TRHDE: variants seen among roughly 807,000 people sequenced by gnomAD.
TRHDE encodes the protein thyrotropin-releasing hormone-degrading ectoenzyme.
Under a neutral mutation model 125.7 loss-of-function variants are expected in TRHDE, and 72 were observed. The observed-to-expected ratio is 0.57, with a 90% confidence interval of 0.47 to 0.70. The LOEUF is 0.70. Among genes scored for constraint, TRHDE ranks in the 30% least tolerant of loss-of-function variants. The pLI is 0.00. For synonymous variants in TRHDE, 509 were observed against 509.1 expected, an observed-to-expected ratio of 1.00 and a Z score of 0.00; for missense variants, 1,110 against 1,327.1, an observed-to-expected ratio of 0.84 and a Z score of 2.54.
intron 2 of TRHDE, among the ~76,000 whole-genome samples, chr12:72,231,422 AT>A (rs1451517474): frequency 2.0e-5 from 3 of 152,186 alleles, no homozygotes; most frequent in African/African-American, 7.2e-5. Flanking sequence ...TTGGAGGAAT[AT>A]TAAGCTTGAT....
intron 3 of TRHDE, among the ~76,000 whole-genome samples, chr12:72,418,379 G>T (rs1465668592): frequency 6.6e-6 from 1 of 152,032 alleles, no homozygotes; most frequent in Non-Finnish European, 1.5e-5. Context: ...ATATTTAAAA[G>T]CTGTCATTTG....
intron 18 of TRHDE, among the ~76,000 whole-genome samples, chr12:72,658,481 C>T (rs1874792527): frequency 6.6e-6 from 1 of 152,020 alleles, no homozygotes; most frequent in South Asian, 2.1e-4. Flanking sequence ...CCTCTCCTCC[C>T]TACCTCTCTC....
chr12:72,144,920 C>A (rs1876195068), intron 2 of TRHDE, among the ~76,000 whole-genome samples: 1 of 152,208 alleles, frequency 6.6e-6, no homozygotes, highest in Non-Finnish European at 1.5e-5. Flanking sequence ...CTCAGCCTTT[C>A]ATGCCTGTAG....
intron 2 of TRHDE, among the ~76,000 whole-genome samples, chr12:72,322,704 ATGAT>A (rs1869152126): frequency 6.6e-6 from 1 of 152,188 alleles, no homozygotes; most frequent in Non-Finnish European, 1.5e-5. Flanking sequence ...AAACACTGAG[ATGAT>A]TGATTGATTT....
intron 3 of TRHDE, among the ~76,000 whole-genome samples, chr12:72,429,944 C>A (rs1188889495): frequency 6.6e-6 from 1 of 151,646 alleles, no homozygotes; most frequent in Non-Finnish European, 1.5e-5. Flanking sequence ...CTAATATTTT[C>A]TTAAATTCTG....
rs748029343 is a variant in TRHDE at position 72,273,599 on chromosome 12, C to A, written c.914+42C>A. Reference sequence around the variant, plus strand: ...TGCCCCGCGCTGCCCCACCCCGGCGCGCGGCTCGAACCTCTGGGCGGCCTG... The same window carrying A: ...TGCCCCGCGCTGCCCCACCCCGGCGAGCGGCTCGAACCTCTGGGCGGCCTG... On this transcript the variant is annotated intron_variant, in intron 1 of 18. Transcript: ENST00000261180. This position sits in a 1 kb window ranked among gnomAD's most constrained non-coding sequence, Gnocchi z 5.3. 4 of 1,534,730 alleles carry A rather than the reference C, an allele frequency of 2.6e-6. No individual in the cohort carries two copies. The highest frequency in any genetic ancestry group is 8.8e-7 in the Non-Finnish European group (1 of 1,140,186).
chr12:72,531,888 T>C (rs982194088), intron 6 of TRHDE, among the ~76,000 whole-genome samples: 6 of 152,140 alleles, frequency 3.9e-5, no homozygotes, highest in African/African-American at 9.6e-5. Context: ...AGTTTTGTTA[T>C]TGAAAGAGAT....
chr12:72,649,045 A>G (rs1874397278), intron 15 of TRHDE, among the ~76,000 whole-genome samples: 1 of 152,054 alleles, frequency 6.6e-6, no homozygotes, highest in South Asian at 2.1e-4. Flanking sequence ...CAATTCTACA[A>G]TTCATATGGA....
intron 2 of TRHDE, among the ~76,000 whole-genome samples, chr12:72,362,551 G>A (rs1871147925): frequency 6.6e-6 from 1 of 151,486 alleles, no homozygotes; most frequent in African/African-American, 2.4e-5. Context: ...TTGCTGTGCA[G>A]AAGCTCTTTA....
At chr12:72,597,762 TAC>T (rs199603810) in intron 12 of TRHDE, among the ~76,000 whole-genome samples, 60 of 80,686 alleles carry the variant, frequency 7.4e-4, no homozygotes, top group African/African-American at 2.6e-3. Flanking sequence ...TATATATGCA[TAC>T]ACACACAAAT....
chr12:72,515,961 G>A (rs1396763375), intron 6 of TRHDE, among the ~76,000 whole-genome samples: 1 of 131,470 alleles, frequency 7.6e-6, no homozygotes, highest in Admixed American at 7.3e-5. Context: ...TAGATATGTG[G>A]CGCTATTTCT....
intron 12 of TRHDE, among the ~76,000 whole-genome samples, chr12:72,591,575 G>A (rs1179259015): frequency 1.4e-5 from 2 of 146,150 alleles, no homozygotes; most frequent in East Asian, 2.0e-4. Context: ...AAATAATTTT[G>A]TACATACCCT....
In TRHDE at chr12:72,576,382, G is replaced by A. The variant is rs149657779; in HGVS notation, c.2321+840G>A. Among the ~76,000 whole-genome samples the A allele has an allele frequency of 7.2e-5, 11 of 151,998 alleles. No homozygotes were observed. In the East Asian group the frequency reaches 2.1e-3, roughly 29 times the overall value. On this transcript the variant is annotated intron_variant, in intron 12 of 18. Transcript: ENST00000261180. Reference sequence around the variant, plus strand: ...AACACATGACTTATTTTAGTAATAGGCTTTTTTTCATGGGACCTGAAACTG... The same window carrying A: ...AACACATGACTTATTTTAGTAATAGACTTTTTTTCATGGGACCTGAAACTG...
chr12:72,399,461 A>G (rs2135801040), intron 3 of TRHDE, among the ~76,000 whole-genome samples: 1 of 151,776 alleles, frequency 6.6e-6, no homozygotes, highest in East Asian at 1.9e-4. Context: ...TTTAATAATA[A>G]TAAACTACTC....
At chr12:72,362,647 G>A (rs2135753508) in intron 2 of TRHDE, among the ~76,000 whole-genome samples, 1 of 151,184 alleles carries the variant, frequency 6.6e-6, no homozygotes, top group Admixed American at 6.6e-5. Context: ...CCATGCCTAT[G>A]TCCTGAATGG....
chr12:72,413,836 C>T (rs920782809), intron 3 of TRHDE, among the ~76,000 whole-genome samples: 4 of 151,996 alleles, frequency 2.6e-5, no homozygotes, highest in African/African-American at 9.7e-5. Context: ...GAGTTCAAAT[C>T]CCAGCAACGT....
chr12:72,636,242 G>A (rs1268998551), intron 15 of TRHDE, among the ~76,000 whole-genome samples: 2 of 151,366 alleles, frequency 1.3e-5, no homozygotes, highest in African/African-American at 4.8e-5. Flanking sequence ...TGGATTCCTA[G>A]GTATTTTATT....
At chr12:72,320,961 A>G (rs1869062243) in intron 2 of TRHDE, among the ~76,000 whole-genome samples, 2 of 152,192 alleles carry the variant, frequency 1.3e-5, no homozygotes, top group Admixed American at 6.6e-5. Flanking sequence ...GTAAAGAGCT[A>G]TAGGTAAGAT....
At chr12:72,111,964 A>G (rs2139295672) in intron 2 of TRHDE, among the ~76,000 whole-genome samples, 1 of 152,204 alleles carries the variant, frequency 6.6e-6, no homozygotes, top group Admixed American at 6.6e-5. Context: ...GCAAAGCTAC[A>G]GTGTTTGGTT....
Sources: gnomAD v4.1 joint callset for allele counts (sites outside exome capture counted in the v4.1 genomes callset) on GRCh38, gnomAD v4.1.1 for gene constraint, Gnocchi (gnomAD v3.1) non-coding constraint, MANE v1.5 for transcripts, NCBI Gene and HGNC (gene_info 2026-07-23, HGNC 2026-07-21) for gene names.